WDR70: variants seen among roughly 807,000 people sequenced by gnomAD.
WDR70 encodes the protein WD repeat-containing protein 70.
In WDR70, 53 loss-of-function variants were observed where a neutral mutation model predicts 88.6. That is an observed-to-expected ratio of 0.60 (90% CI 0.48 to 0.75). The LOEUF is 0.75. Ranked by LOEUF, WDR70 falls within the 30% of genes least tolerant of loss-of-function variation. The pLI, the probability that WDR70 is intolerant of heterozygous loss-of-function variation, is 0.00. For missense variants in WDR70, 610 were observed against 823.2 expected, an observed-to-expected ratio of 0.74 and a Z score of 3.17; for synonymous variants, 280 against 270.0, an observed-to-expected ratio of 1.04 and a Z score of -0.36.
chr5:37,685,051 G>C (rs980871247), intron 10 of WDR70, among the ~76,000 whole-genome samples: 11 of 152,122 alleles, frequency 7.2e-5, no homozygotes, highest in Admixed American at 1.3e-4. Flanking sequence ...GGGGTTGGCT[G>C]CTCAGGGTTG....
chr5:37,573,052 T>G (rs1280000679), intron 9 of WDR70, among the ~76,000 whole-genome samples: 4 of 152,204 alleles, frequency 2.6e-5, no homozygotes, highest in African/African-American at 9.7e-5. Flanking sequence ...CTTTACTCCC[T>G]CAGGGATCCT....
intron 10 of WDR70, among the ~76,000 whole-genome samples, chr5:37,617,251 C>T (rs1241426956): frequency 6.6e-6 from 1 of 152,156 alleles, no homozygotes; most frequent in Non-Finnish European, 1.5e-5. Flanking sequence ...GCCAGGAACT[C>T]TGACTCTAGA....
chr5:37,583,578 A>G (rs1255908085), intron 9 of WDR70, among the ~76,000 whole-genome samples: 1 of 101,572 alleles, frequency 9.8e-6, no homozygotes, highest in Non-Finnish European at 2.6e-5. Context: ...GTGTCCTTTG[A>G]AAGGATGATT....
intron 7 of WDR70, among the ~76,000 whole-genome samples, chr5:37,455,097 C>T (rs1473610930): frequency 6.6e-6 from 1 of 152,190 alleles, no homozygotes; most frequent in Non-Finnish European, 1.5e-5. Flanking sequence ...GAAGGAATCT[C>T]AGTGCACAGA....
rs550453948 is a variant in WDR70 at position 37,560,574 on chromosome 5, T to C, written c.917+43984T>C. On this transcript the variant is annotated intron_variant, in intron 9 of 17. Coordinates refer to ENST00000265107, the MANE Select transcript of WDR70 (RefSeq NM_018034.4). ...CAAACATAAATTAAACTTTATTAGT[T>C]ATTGCTAATTCCTACCATAATTTCT... Among the ~76,000 whole-genome samples the C allele has an allele frequency of 2.0e-5, 3 of 152,332 alleles. No individual in the cohort carries two copies. In the South Asian group the frequency reaches 6.2e-4, roughly 32 times the overall value.
chr5:37,697,569 G>A (rs1309615128), intron 10 of WDR70, 86 bp from the exon 11 acceptor site: 16 of 1,063,288 alleles, frequency 1.5e-5, no homozygotes, highest in South Asian at 8.3e-5. Context: ...TATTTTCATC[G>A]TAATAAAGTG....
rs185852834 is a variant in WDR70, at chr5:37,485,665, A to G, written c.840+5678A>G. On this transcript the variant is annotated intron_variant, in intron 8 of 17. Transcript: ENST00000265107. ...CAATGTTAATGAATGAACAATATAT[A>G]TTATTTATTTATTCATTCATTTAAT... 4.6e-3 allele frequency among the ~76,000 whole-genome samples: 703 copies of G among 151,992 alleles called. 3 individuals are homozygous for G. Among genetic ancestry groups the G allele is most frequent in the African/African-American group, 0.016 (650 of 41,458 alleles).
intron 10 of WDR70, among the ~76,000 whole-genome samples, chr5:37,686,296 C>G (rs1422511031): frequency 6.7e-6 from 1 of 150,218 alleles, no homozygotes; most frequent in African/African-American, 2.4e-5. Context: ...ACCTGGGTGA[C>G]AGAAGGACAC....
intron 9 of WDR70, among the ~76,000 whole-genome samples, chr5:37,595,732 GCTC>G (rs1743682637): frequency 6.6e-6 from 1 of 152,142 alleles, no homozygotes; most frequent in South Asian, 2.1e-4. Context: ...TACAAGAAGA[GCTC>G]CTTGAGAGCA....
At chr5:37,384,074 A>C (rs1173140858) in intron 3 of WDR70, among the ~76,000 whole-genome samples, 1 of 152,070 alleles carries the variant, frequency 6.6e-6, no homozygotes, top group Non-Finnish European at 1.5e-5. Context: ...TTAAAACGAT[A>C]AGGATTGTTT....
At chr5:37,422,380 T>C (rs1749972207) in intron 5 of WDR70, among the ~76,000 whole-genome samples, 1 of 150,054 alleles carries the variant, frequency 6.7e-6, no homozygotes, top group Admixed American at 6.7e-5. Flanking sequence ...CAATCTCCAC[T>C]TCCCGGACTC....
chr5:37,422,457 A>G (rs1045803841), intron 5 of WDR70, among the ~76,000 whole-genome samples: 12 of 151,488 alleles, frequency 7.9e-5, no homozygotes, highest in African/African-American at 2.9e-4. Flanking sequence ...ATGCCTGGCT[A>G]ATTTTTTTGT....
intron 17 of WDR70, among the ~76,000 whole-genome samples, chr5:37,750,387 T>G (rs1407361843): frequency 1.3e-5 from 2 of 152,022 alleles, no homozygotes; most frequent in Non-Finnish European, 2.9e-5. Context: ...AATAAAAAAA[T>G]TAATCAGACA....
intron 14 of WDR70, 170 bp downstream of exon 14, chr5:37,721,385 G>T (rs1747811338): frequency 3.2e-6 from 2 of 618,882 alleles, no homozygotes; most frequent in African/African-American, 3.7e-5. Context: ...CTTTAAAAAG[G>T]ATTTGAATAT....
At chr5:37,717,516 GC>G (rs1561088696) in intron 13 of WDR70, among the ~76,000 whole-genome samples, 12 of 152,202 alleles carry the variant, frequency 7.9e-5, no homozygotes. Context: ...CAGTAAAGAA[GC>G]ACTTCTTCAA....
intron 5 of WDR70, among the ~76,000 whole-genome samples, chr5:37,415,258 G>A (rs1481789741): frequency 2.0e-5 from 3 of 151,890 alleles, no homozygotes; most frequent in East Asian, 1.9e-4. Flanking sequence ...CCACAAAACC[G>A]CCATTGTCAT....
At chr5:37,430,808 G>A (rs936651340) in intron 5 of WDR70, among the ~76,000 whole-genome samples, 2 of 151,996 alleles carry the variant, frequency 1.3e-5, no homozygotes, top group African/African-American at 4.8e-5. Context: ...TGATCCACCT[G>A]CCTCGGCCTC....
At chr5:37,508,980 C>T (rs567436320) in intron 8 of WDR70, among the ~76,000 whole-genome samples, 32 of 152,166 alleles carry the variant, frequency 2.1e-4, no homozygotes, top group African/African-American at 4.3e-4. Flanking sequence ...TAGGACTATT[C>T]GAGTTCTTCC....
chr5:37,402,944 GTTTTT>G (rs5867348), intron 5 of WDR70, among the ~76,000 whole-genome samples: 1 of 84,372 alleles, frequency 1.2e-5, no homozygotes, highest in Non-Finnish European at 2.0e-5. Context: ...CCCTCCCTCC[GTTTTT>G]TTTTTTTTTT....
Sources: allele counts gnomAD v4.1 joint callset (sites outside exome capture counted in the v4.1 genomes callset), GRCh38; gene constraint gnomAD v4.1.1; transcripts MANE v1.5; gene names NCBI Gene and HGNC (gene_info 2026-07-23, HGNC 2026-07-21).